TUSC3: variants seen among roughly 807,000 people sequenced by gnomAD.
TUSC3 encodes the protein dolichyl-diphosphooligosaccharide--protein glycosyltransferase subunit TUSC3.
TUSC3 carries 45 observed loss-of-function variants against 44.8 expected under a neutral mutation model. The ratio of observed to expected loss-of-function variants is 1.00; its 90% confidence interval spans 0.79 to 1.29. The LOEUF is 1.29. Among genes scored for constraint, TUSC3 ranks in the 50% most tolerant of loss-of-function variants. TUSC3 has a pLI of 0.00. For synonymous variants in TUSC3, 212 were observed against 152.9 expected (o/e 1.39, Z -2.85); for missense variants, 519 against 437.9 (o/e 1.19, Z -1.65).
At chr8:15,694,033 A>G (rs1215229187) in intron 6 of TUSC3, among the ~76,000 whole-genome samples, 2 of 151,966 alleles carry the variant, frequency 1.3e-5, no homozygotes, top group East Asian at 1.9e-4. Context: ...CATCTCCTGT[A>G]TAGTTTTATT....
intron 1 of TUSC3, among the ~76,000 whole-genome samples, chr8:15,584,023 A>G (rs1327497507): frequency 6.6e-6 from 1 of 152,236 alleles, no homozygotes; most frequent in South Asian, 2.1e-4. Context: ...TTGTGAGAAT[A>G]TGTTGTTTAA....
At chr8:15,743,209 G>A (rs1449559163) in intron 7 of TUSC3, among the ~76,000 whole-genome samples, 1 of 152,200 alleles carries the variant, frequency 6.6e-6, no homozygotes, top group African/African-American at 2.4e-5. Flanking sequence ...TCTATAAGCA[G>A]TGCATATCTT....
At chr8:15,796,579 T>C in the TUSC3 span, among the ~76,000 whole-genome samples, 562 of 152,324 alleles carry the variant, frequency 3.7e-3, 4 homozygotes, top group African/African-American at 0.013. Flanking sequence ...CTTGCTGATA[T>C]TGTTGTAATT....
intron 9 of TUSC3, among the ~76,000 whole-genome samples, chr8:15,751,876 T>G (rs894935065): frequency 8.5e-5 from 13 of 152,138 alleles, no homozygotes; most frequent in Non-Finnish European, 1.6e-4. Flanking sequence ...AAGAATCAGG[T>G]GAATAGTTAC....
chr8:15,800,183 C>G, the TUSC3 span, among the ~76,000 whole-genome samples: 1 of 152,176 alleles, frequency 6.6e-6, no homozygotes, highest in Non-Finnish European at 1.5e-5. Flanking sequence ...GCCACGCTCA[C>G]AAAACATAGA....
intron 1 of TUSC3, among the ~76,000 whole-genome samples, chr8:15,541,565 T>G (rs1801693248): frequency 6.6e-6 from 1 of 152,220 alleles, no homozygotes; most frequent in Non-Finnish European, 1.5e-5. Flanking sequence ...AGTGATTGTT[T>G]CCCTTTCTCT....
At chr8:15,617,139 T>TA (rs772712798) in intron 1 of TUSC3, among the ~76,000 whole-genome samples, 19,654 of 60,040 alleles carry the variant, frequency 0.33, 1,253 homozygotes, top group East Asian at 0.45. Flanking sequence ...TGTGTATATA[T>TA]TTTTTTTTTT....
chr8:15,471,619 ATTT>A (rs35294089), intron 1 of TUSC3, among the ~76,000 whole-genome samples: 2 of 142,744 alleles, frequency 1.4e-5, no homozygotes, highest in Non-Finnish European at 3.1e-5. Flanking sequence ...TCCAGTTCTG[ATTT>A]TTTTTTTTTT....
Position 15,764,239 on chromosome 8 carries a change from A to C in TUSC3, c.*83A>C, listed in dbSNP as rs113086911. 1.2e-3 allele frequency: 1,857 copies of C among 1,605,230 alleles called. 22 individuals carry two copies. In the African/African-American group the frequency reaches 0.021, roughly 18 times the overall value. ...AATGAAGCCAAGTGGGATTTGCATA[A>C]AGTGAATGTTTACCATGAAGATAAA... On this transcript the variant is annotated 3_prime_UTR_variant, in exon 11 of 11. Transcript: ENST00000503731.
intron 1 of TUSC3, among the ~76,000 whole-genome samples, chr8:15,614,475 A>G (rs1215342544): frequency 6.6e-6 from 1 of 152,174 alleles, no homozygotes; most frequent in South Asian, 2.1e-4. Context: ...GGCCCAGACA[A>G]CTGCTTATCT....
the TUSC3 span, among the ~76,000 whole-genome samples, chr8:15,787,218 C>G: frequency 6.6e-6 from 1 of 152,022 alleles, no homozygotes; most frequent in South Asian, 2.1e-4. Flanking sequence ...AGATTTCTTT[C>G]AACTTAGTTT....
chr8:15,674,347 C>T (rs1055365970), intron 6 of TUSC3, among the ~76,000 whole-genome samples: 5 of 152,004 alleles, frequency 3.3e-5, no homozygotes, highest in African/African-American at 1.2e-4. Context: ...CCACCGAATT[C>T]ACATAACTGA....
In TUSC3 at chr8:15,737,352, A is replaced by T. The variant is rs530782722; in HGVS notation, c.863-6186A>T. 2.6e-5 allele frequency among the ~76,000 whole-genome samples: 4 copies of T among 152,264 alleles called. No individual in the cohort carries two copies. In the South Asian group the frequency reaches 6.2e-4, roughly 24 times the overall value. On this transcript the variant is annotated intron_variant, in intron 7 of 10. Transcript: ENST00000503731. The stretch of plus-strand genomic sequence containing the variant: ...ACAGTAAACTTAGCATATGCAATTG[A>T]GAAGGGATTATAATGTTTTGTAAAT...
chr8:15,839,367 T>C, the TUSC3 span, among the ~76,000 whole-genome samples: 1 of 152,158 alleles, frequency 6.6e-6, no homozygotes, highest in African/African-American at 2.4e-5. Context: ...TCCTGCCTGA[T>C]TGCCCTGGCC....
the TUSC3 span, among the ~76,000 whole-genome samples, chr8:15,844,620 T>C: frequency 6.6e-6 from 1 of 152,166 alleles, no homozygotes; most frequent in African/African-American, 2.4e-5. Context: ...TGTATATTAG[T>C]ATATTAAAAA....
At chr8:15,438,752 G>A (rs537116953) in intron 1 of TUSC3, among the ~76,000 whole-genome samples, 6 of 152,132 alleles carry the variant, frequency 3.9e-5, no homozygotes, top group Non-Finnish European at 8.8e-5. Flanking sequence ...TTCTCAAATT[G>A]CACTGAAAAA....
At chr8:15,739,591 T>C (rs776996386) in intron 7 of TUSC3, among the ~76,000 whole-genome samples, 20 of 152,310 alleles carry the variant, frequency 1.3e-4, no homozygotes, top group Non-Finnish European at 2.2e-4. Flanking sequence ...ATAAGTGATA[T>C]AAAGGTAAAT....
chr8:15,808,777 G>A, the TUSC3 span, among the ~76,000 whole-genome samples: 1 of 152,006 alleles, frequency 6.6e-6, no homozygotes, highest in Non-Finnish European at 1.5e-5. Flanking sequence ...TAGAAATTCT[G>A]CCTCATTCTG....
intron 1 of TUSC3, among the ~76,000 whole-genome samples, chr8:15,550,066 C>T (rs551872951): frequency 6.6e-6 from 1 of 151,784 alleles, no homozygotes; most frequent in Admixed American, 6.6e-5. Context: ...CTCACACCTG[C>T]ACCAGTAATT....
Sources: allele counts gnomAD v4.1 joint callset (sites outside exome capture counted in the v4.1 genomes callset), GRCh38; gene constraint gnomAD v4.1.1; transcripts MANE v1.5; gene names NCBI Gene and HGNC (gene_info 2026-07-23, HGNC 2026-07-21).